The following PGM5 variants were observed in gnomAD, a reference collection of about 807,000 sequenced individuals.
PGM5 encodes the protein phosphoglucomutase 5.
In PGM5, 23 loss-of-function variants were observed where a neutral mutation model predicts 59.2. That is an observed-to-expected ratio of 0.39 (90% CI 0.28 to 0.55). The LOEUF (loss-of-function observed/expected upper bound fraction) is 0.55, where lower values mean the gene tolerates loss of function less well. Ranked by LOEUF, PGM5 falls within the 20% of genes least tolerant of loss-of-function variation. The pLI is 0.66. For synonymous variants in PGM5, 214 were observed against 286.0 expected, an observed-to-expected ratio of 0.75 and a Z score of 2.54; for missense variants, 574 against 748.3, an observed-to-expected ratio of 0.77 and a Z score of 2.72.
At position 68,529,569 on chromosome 9, in the gene PGM5, A is replaced by C. The variant is rs751853461; in HGVS notation, c.1617A>C (p.Ala539=). Residue 539 remains alanine (A), a splice_region_variant and synonymous_variant, in exon 11 of 11, where the codon GCA becomes GCC. Coordinates refer to ENST00000396396, the MANE Select transcript of PGM5 (RefSeq NM_021965.4). Reference sequence around the variant, plus strand: ...AGACTTTCCTTTTCCTTTTGCAGGCAGTGCTGAGCCCTCTCATAGCCATCG... The same window carrying C: ...AGACTTTCCTTTTCCTTTTGCAGGCCGTGCTGAGCCCTCTCATAGCCATCG... ...DPSGHDQEPQ[A]VLSPLIAIAL... is the part of the protein sequence containing the mutation. 5.7e-6 allele frequency: 9 copies of C among 1,590,954 alleles called. No individual in the cohort carries two copies. Among genetic ancestry groups the C allele is most frequent in the Non-Finnish European group, 7.7e-6 (9 of 1,164,910 alleles).
intron 7 of PGM5, among the ~76,000 whole-genome samples, chr9:68,477,374 C>T (rs76713111): frequency 5.3e-4 from 81 of 152,302 alleles, no homozygotes; most frequent in African/African-American, 1.7e-3. Flanking sequence ...GTCACAAGTA[C>T]GGTAAATGGT....
chr9:68,447,042 G>T (rs72714320), intron 6 of PGM5, among the ~76,000 whole-genome samples: 196 of 152,204 alleles, frequency 1.3e-3, no homozygotes, highest in African/African-American at 4.4e-3. Context: ...AACGTGGTGC[G>T]TGCAGGGAAA....
intron 6 of PGM5, among the ~76,000 whole-genome samples, chr9:68,395,220 T>A (rs1409429917): frequency 6.6e-6 from 1 of 152,086 alleles, no homozygotes; most frequent in Admixed American, 6.6e-5. Flanking sequence ...TCCAATCCCA[T>A]TTTTAAAAAA....
At chr9:68,489,737 C>T (rs1554687772) in intron 9 of PGM5, among the ~76,000 whole-genome samples, 1 of 152,066 alleles carries the variant, frequency 6.6e-6, no homozygotes, top group East Asian at 1.9e-4. Context: ...AAACCAACTC[C>T]TATATTTCTA....
chr9:68,419,530 C>G (rs1335259945), intron 6 of PGM5, among the ~76,000 whole-genome samples: 10 of 152,162 alleles, frequency 6.6e-5, no homozygotes, highest in Admixed American at 2.6e-4. Context: ...CATTTTAAAA[C>G]TGAGGCAGAA....
chr9:68,473,292 CTG>C (rs2132085033), intron 7 of PGM5, among the ~76,000 whole-genome samples: 1 of 152,146 alleles, frequency 6.6e-6, no homozygotes, highest in East Asian at 1.9e-4. Flanking sequence ...AAAAGGTAAA[CTG>C]GAGAAATAAA....
At chr9:68,385,267 C>T (rs1372399837) in intron 3 of PGM5, among the ~76,000 whole-genome samples, 2 of 151,944 alleles carry the variant, frequency 1.3e-5, no homozygotes, top group Non-Finnish European at 2.9e-5. Context: ...TTGCTTTTTC[C>T]TAGAAGGCAT....
chr9:68,520,620 G>T (rs1214420134), intron 10 of PGM5, among the ~76,000 whole-genome samples: 1 of 152,130 alleles, frequency 6.6e-6, no homozygotes, highest in Non-Finnish European at 1.5e-5. Flanking sequence ...TATTATAAGG[G>T]CAACTGAATT....
In PGM5 at chr9:68,376,880, T is replaced by TTC. The variant is rs1554677813; in HGVS notation, c.262-1317_262-1316dup. Among the ~76,000 whole-genome samples, 37 of 136,296 alleles carry TTC rather than the reference T, an allele frequency of 2.7e-4. 3 individuals are homozygous for TTC. The highest frequency in any genetic ancestry group is 1.0e-3 in the African/African-American group (37 of 35,952). The allele number at this position is 136,296 out of a possible 152,430, so 89.4% of individuals were successfully genotyped here. A position where few individuals can be genotyped will look rare whatever the true frequency, so the allele number is the denominator to read the frequency against. On this transcript the variant is annotated intron_variant, in intron 1 of 10. Coordinates refer to ENST00000396396, the MANE Select transcript of PGM5 (RefSeq NM_021965.4). ...TTCTTTCTTTTTTCTTTCTCTTTCT[T>TTC]TCTTTTTTTCTTTCTTTCTCTCTCT...
chr9:68,481,598 G>A (rs1824197768), intron 8 of PGM5, among the ~76,000 whole-genome samples: 1 of 152,136 alleles, frequency 6.6e-6, no homozygotes, highest in Non-Finnish European at 1.5e-5. Context: ...CATAATTTGT[G>A]GAATGATTAT....
At chr9:68,501,814 T>C (rs1824578949) in intron 10 of PGM5, among the ~76,000 whole-genome samples, 1 of 152,268 alleles carries the variant, frequency 6.6e-6, no homozygotes, top group African/African-American at 2.4e-5. Context: ...CTGGCTATTT[T>C]ACTTTGGCCA....
At chr9:68,396,613 T>G (rs1397341966) in intron 6 of PGM5, 4 of 152,892 alleles carry the variant, frequency 2.6e-5, no homozygotes, top group African/African-American at 9.6e-5. Context: ...TTAAAAGGAT[T>G]ATTCATGCTT....
Position 68,471,654 on chromosome 9 carries a change from T to G in PGM5, c.1159+6446T>G, listed in dbSNP as rs576309006. Among the ~76,000 whole-genome samples, 712 of 150,238 alleles carry G rather than the reference T, an allele frequency of 4.7e-3. 6 individuals are homozygous for G. Among genetic ancestry groups the G allele is most frequent in the African/African-American group, 0.016 (673 of 40,922 alleles). On this transcript the variant is annotated intron_variant, in intron 7 of 10. Transcript: ENST00000396396. ...AAAAAGAGAGACTCGGTGCAGTGGC[T>G]CATGCCTGTAATCCCAGCACTTTGG...
At chr9:68,369,075 T>C (rs1441596367) in intron 1 of PGM5, among the ~76,000 whole-genome samples, 2 of 152,260 alleles carry the variant, frequency 1.3e-5, no homozygotes, top group East Asian at 3.8e-4. Flanking sequence ...AATGGACGAC[T>C]ATATCCATTA....
intron 1 of PGM5, among the ~76,000 whole-genome samples, chr9:68,363,664 T>G: frequency 6.6e-6 from 1 of 152,306 alleles, no homozygotes; most frequent in Admixed American, 6.5e-5. Flanking sequence ...AAGACTCACC[T>G]TCTTTTCCTA....
At position 68,456,467 on chromosome 9, in the gene PGM5, C is replaced by T. The variant is rs555377636; in HGVS notation, c.1044-8626C>T. Among the ~76,000 whole-genome samples the T allele has an allele frequency of 4.4e-4, 65 of 147,420 alleles. 1 individual carries two copies. The highest frequency in any genetic ancestry group is 4.3e-3 in the South Asian group (20 of 4,672). ...CTGGGACTACAGGTGCCTGCCACCA[C>T]GCCTGGCTAATTTTTTTTTTTTTTT... On this transcript the variant is annotated intron_variant, in intron 6 of 10. Coordinates refer to ENST00000396396, the MANE Select transcript of PGM5 (RefSeq NM_021965.4).
intron 1 of PGM5, among the ~76,000 whole-genome samples, chr9:68,364,390 T>G (rs1834640060): frequency 6.6e-6 from 1 of 152,220 alleles, no homozygotes; most frequent in East Asian, 1.9e-4. Flanking sequence ...GAGAAAGCTG[T>G]GCTTCAATAC....
intron 6 of PGM5, among the ~76,000 whole-genome samples, chr9:68,456,675 A>G (rs1587816105): frequency 7.6e-6 from 1 of 131,664 alleles, no homozygotes; most frequent in East Asian, 2.3e-4. Context: ...CCCAGGCTGG[A>G]GTACAATGGT....
chr9:68,499,127 T>C, intron 9 of PGM5, 100 bp from the exon 10 acceptor site: 3 of 1,263,826 alleles, frequency 2.4e-6, no homozygotes, highest in Non-Finnish European at 3.4e-6. Flanking sequence ...TCTGATTGTG[T>C]TGAGGTATAA....
Sources: allele counts gnomAD v4.1 joint callset (sites outside exome capture counted in the v4.1 genomes callset), GRCh38; gene constraint gnomAD v4.1.1; transcripts MANE v1.5; gene names NCBI Gene and HGNC (gene_info 2026-07-23, HGNC 2026-07-21).